Variants in AKR1C4 observed in about 807,000 individuals in gnomAD.
AKR1C4 encodes aldo-keto reductase family 1 member C4.
In AKR1C4, 44 loss-of-function variants were observed where a neutral mutation model predicts 41.0. The ratio of observed to expected loss-of-function variants is 1.07; its 90% CI spans 0.84 to 1.38. The LOEUF (loss-of-function observed/expected upper bound fraction) is 1.38. Among genes scored for constraint, AKR1C4 ranks in the 40% most tolerant of loss-of-function variants. The pLI is 0.00. For synonymous variants in AKR1C4, 165 were observed against 137.7 expected, an observed-to-expected ratio of 1.20 and a Z score of -1.39; for missense variants, 438 against 387.9, an observed-to-expected ratio of 1.13 and a Z score of -1.09.
At chr10:5,204,555 T>G in intron 3 of AKR1C4, 62 bp downstream of exon 3, 2 of 1,228,174 alleles carry the variant, frequency 1.6e-6, no homozygotes, top group Non-Finnish European at 2.4e-6. Flanking sequence ...TTATGATGGT[T>G]GAATTGAACT....
At chr10:5,212,764 T>G (rs782215788) in intron 6 of AKR1C4, 39 bp downstream of exon 6, 4 of 1,594,384 alleles carry the variant, frequency 2.5e-6, no homozygotes, top group Non-Finnish European at 3.4e-6. Context: ...AAATGCCATT[T>G]TGATGAAAAA....
At chr10:5,199,490 A>G (rs1227904368) in intron 1 of AKR1C4, among the ~76,000 whole-genome samples, 3 of 152,094 alleles carry the variant, frequency 2.0e-5, no homozygotes, top group Non-Finnish European at 4.4e-5. Flanking sequence ...TCCTGTGCCT[A>G]TAAAAACCCC....
At chr10:5,199,362 G>A (rs1184855412) in intron 1 of AKR1C4, among the ~76,000 whole-genome samples, 2 of 152,086 alleles carry the variant, frequency 1.3e-5, no homozygotes, top group Admixed American at 1.3e-4. Flanking sequence ...GCTGGCTAGA[G>A]GAGGACGTGG....
In AKR1C4 at chr10:5,200,891, A is replaced by G. The variant is rs545905634; in HGVS notation, c.252+543A>G. Among the ~76,000 whole-genome samples, 10 of 152,322 alleles carry G rather than the reference A, an allele frequency of 6.6e-5. 1 individual carries two copies. The South Asian group carries it at 2.1e-3, about 32-fold the overall frequency. ...TTTCCATTCCTGAATTACTTTACTT[A>G]GAATAATGGCCTCAAGCTCCAAGTT... is the stretch of plus-strand genomic sequence containing the variant. On this transcript the variant is annotated intron_variant, in intron 2 of 8. Transcript: ENST00000263126.
chr10:5,198,034 G>A (rs1475164559), intron 1 of AKR1C4, among the ~76,000 whole-genome samples: 6 of 152,064 alleles, frequency 3.9e-5, no homozygotes, highest in African/African-American at 9.7e-5. Context: ...TTTCATTTAC[G>A]GTTTTGTCAT....
At chr10:5,214,434 T>C (rs2132139565) in intron 7 of AKR1C4, among the ~76,000 whole-genome samples, 1 of 152,346 alleles carries the variant, frequency 6.6e-6, no homozygotes, top group South Asian at 2.1e-4. Flanking sequence ...CATTCAGTAA[T>C]ATCAACTTCA....
rs529939241 is a variant in AKR1C4 at position 5,213,844 on chromosome 10, C to CAA, written c.846+687_846+688dup. Among the ~76,000 whole-genome samples the CAA allele has an allele frequency of 3.0e-3, 460 of 152,196 alleles. 4 individuals are homozygous for CAA. Among genetic ancestry groups the CAA allele is most frequent in the African/African-American group, 0.01 (433 of 41,518 alleles). ...TATTCTGGATATTCTTTAACAGCTT[C>CAA]AAATGTATTGTTGAAATAGCCTCTC... On this transcript the variant is annotated intron_variant, in intron 7 of 8. Transcript: ENST00000263126.
At chr10:5,212,103 G>A (rs549053239) in intron 5 of AKR1C4, among the ~76,000 whole-genome samples, 4 of 152,282 alleles carry the variant, frequency 2.6e-5, no homozygotes, top group East Asian at 1.9e-4. Context: ...ATCACCATTG[G>A]TGAAGGCAAA....
At chr10:5,206,498 A>G (rs1832489616) in intron 5 of AKR1C4, 101 bp downstream of exon 5, 5 of 1,562,854 alleles carry the variant, frequency 3.2e-6, no homozygotes, top group Non-Finnish European at 4.3e-6. Flanking sequence ...TTTGTGAAAC[A>G]GAAGATTCTA....
chr10:5,209,308 TTTGTA>T (rs139485999), intron 5 of AKR1C4, among the ~76,000 whole-genome samples: 12,547 of 152,218 alleles, frequency 0.082, 737 homozygotes, highest in Non-Finnish European at 0.12. Context: ...GTTTTAAATT[TTTGTA>T]TTGTATTATT....
In AKR1C4 at chr10:5,217,858, T is replaced by C. The variant is rs79407679; in HGVS notation, c.930-860T>C. Among the ~76,000 whole-genome samples, 140 of 152,248 alleles carry C rather than the reference T, an allele frequency of 9.2e-4. 1 individual carries two copies. Among genetic ancestry groups the C allele is most frequent in the African/African-American group, 3.2e-3 (134 of 41,564 alleles). ...TTACTCTTTTCTATATGCTCCAAGG[T>C]TCTAGGATTCACAGAAAGGCACTCA... is the stretch of plus-strand genomic sequence containing the variant. On this transcript the variant is annotated intron_variant, in intron 8 of 8. Coordinates refer to ENST00000263126, the MANE Select transcript of AKR1C4 (RefSeq NM_001818.5).
At chr10:5,207,687 A>C (rs1318033664) in intron 5 of AKR1C4, 1 of 750,176 alleles carries the variant, frequency 1.3e-6, no homozygotes, top group Non-Finnish European at 2.1e-6. Flanking sequence ...TAAAGGAAGG[A>C]CTTGAGAAAC....
In AKR1C4 at chr10:5,213,034, C is replaced by G. The variant is rs1832601706; in HGVS notation, c.721C>G (p.Leu241Val). Residue 241 changes from leucine (L) to valine (V), a missense_variant, in exon 7 of 9, where the codon CTT (leucine) becomes GTT (valine). Physicochemically the swap from Leu to Val is conservative, Grantham distance 32. Coordinates refer to ENST00000263126, the MANE Select transcript of AKR1C4 (RefSeq NM_001818.5). ...NSPVLLEDPV[L>V]CALAKKHKQT... Reference sequence around the variant, plus strand: ...CCCAGTTCTTTTGGAGGACCCAGTTCTTTGTGCCTTAGCAAAGAAACACAA... The same window carrying G: ...CCCAGTTCTTTTGGAGGACCCAGTTGTTTGTGCCTTAGCAAAGAAACACAA... The G allele has an allele frequency of 1.2e-6, 2 of 1,614,144 alleles. No homozygotes were observed. The highest frequency in any genetic ancestry group is 1.3e-5 in the African/African-American group (1 of 75,050).
At chr10:5,214,727 A>C (rs1554798322) in intron 7 of AKR1C4, among the ~76,000 whole-genome samples, 7 of 152,214 alleles carry the variant, frequency 4.6e-5, no homozygotes, top group Non-Finnish European at 1.5e-5. Context: ...CTAAGAATAC[A>C]ATGAATGCTT....
intron 5 of AKR1C4, chr10:5,207,112 T>C: frequency 6.0e-6 from 1 of 165,506 alleles, no homozygotes; most frequent in Non-Finnish European, 1.3e-5. Flanking sequence ...AGAGAGGTTC[T>C]AAAGCATAAA....
At chr10:5,216,989 C>T (rs1445769341) in intron 8 of AKR1C4, among the ~76,000 whole-genome samples, 196 bp downstream of exon 8, 14 of 152,208 alleles carry the variant, frequency 9.2e-5, no homozygotes, top group Admixed American at 9.2e-4. Flanking sequence ...CCAGGGTCAG[C>T]ATCGGTCAAC....
intron 7 of AKR1C4, among the ~76,000 whole-genome samples, chr10:5,214,234 T>A (rs1832620682): frequency 1.3e-5 from 2 of 152,310 alleles, no homozygotes; most frequent in Admixed American, 6.5e-5. Flanking sequence ...TCACTTATCT[T>A]GATTTTTCAT....
chr10:5,213,376 A>G (rs981395450), intron 7 of AKR1C4, among the ~76,000 whole-genome samples: 3 of 151,266 alleles, frequency 2.0e-5, no homozygotes, highest in Non-Finnish European at 4.4e-5. Context: ...TTGGTTTCAC[A>G]ACATAAAGTT....
At chr10:5,212,949 CTG>C (rs1343358382) in intron 6 of AKR1C4, 43 bp from the exon 7 acceptor site, 7 of 1,602,438 alleles carry the variant, frequency 4.4e-6, no homozygotes, top group East Asian at 2.2e-5. Flanking sequence ...TCCTACCAAA[CTG>C]AATCCAGCCT....
Sources: allele counts gnomAD v4.1 joint callset (sites outside exome capture counted in the v4.1 genomes callset), GRCh38; gene constraint gnomAD v4.1.1; transcripts MANE v1.5; gene names NCBI Gene and HGNC (gene_info 2026-07-23, HGNC 2026-07-21).